Variants in GOLGA3 observed in about 807,000 individuals in gnomAD.
The protein encoded by GOLGA3 is golgin subfamily A member 3.
In GOLGA3, 75 loss-of-function variants were observed where a neutral mutation model predicts 169.4. The observed-to-expected ratio is 0.44, with a 90% confidence interval of 0.37 to 0.54. The LOEUF (loss-of-function observed/expected upper bound fraction) is 0.54. Ranked by LOEUF, GOLGA3 falls within the 20% of genes least tolerant of loss-of-function variation. The probability of loss-of-function intolerance (pLI) is 0.00; values close to 1 mark genes in which losing one functional copy is unlikely to be tolerated. For missense variants in GOLGA3, 1,899 were observed against 1,930.0 expected (o/e 0.98, Z 0.30); for synonymous variants, 824 against 822.4 (o/e 1.00, Z -0.03).
intron 1 of GOLGA3, chr12:132,827,983 G>A (rs1041618357): frequency 1.7e-4 from 26 of 151,260 alleles, no homozygotes; most frequent in African/African-American, 6.1e-4. Context: ...AACCTCTTAA[G>A]AATCCAGCAC....
At chr12:132,823,753 C>T (rs903106908) in intron 1 of GOLGA3, among the ~76,000 whole-genome samples, 3 of 151,380 alleles carry the variant, frequency 2.0e-5, no homozygotes, top group Admixed American at 2.0e-4. Context: ...CGCCATTGCA[C>T]TCCAGCCTGG....
In GOLGA3 at chr12:132,773,130, G is replaced by A. The variant is rs779601354; in HGVS notation, c.4472C>T (p.Ala1491Val). The stretch of plus-strand genomic sequence containing the variant: ...TCACTCTCCCGGCCCTTCTTTGGAA[G>A]CCCTGCTCTGACTGTGTCTCTGTGG... Reference protein sequence around the residue: ...GDPQRHSQSRASKEGPGE With the variant: ...GDPQRHSQSRVSKEGPGE Residue 1491 changes from alanine (A) to valine (V), a missense_variant, in exon 24 of 24, where the codon GCT (alanine) becomes GTT (valine). Transcript: ENST00000450791. 6.9e-6 allele frequency: 11 copies of A among 1,585,918 alleles called. No homozygotes were observed. The Admixed American group carries it at 1.9e-4, about 28-fold the overall frequency.
At position 132,769,265 on chromosome 12, in the gene GOLGA3, G is replaced by C. The variant is rs1207513918; in HGVS notation, c.*3840C>G. Reference sequence around the variant, plus strand: ...CCCTCCTCACATCAGAGGGCTCCTCGAAGGGAGGCCCCAGGACGGTTCTCT... The same window carrying C: ...CCCTCCTCACATCAGAGGGCTCCTCCAAGGGAGGCCCCAGGACGGTTCTCT... On this transcript the variant is annotated 3_prime_UTR_variant, in exon 24 of 24. Coordinates refer to ENST00000450791, the MANE Select transcript of GOLGA3 (RefSeq NM_001389683.1). 1 of 152,246 alleles carries C rather than the reference G, an allele frequency of 6.6e-6. No homozygotes were observed. Among genetic ancestry groups the C allele is most frequent in the Non-Finnish European group, 1.5e-5 (1 of 68,050 alleles). 9.4% of individuals were successfully genotyped at this position (152,246 alleles called of 1,614,324 possible).
rs1005662840 is a variant in GOLGA3 at position 132,770,334 on chromosome 12, C to T, written c.*2771G>A. ...AGGCCTCAGATCCAGAAGCACAAGC[C>T]GTGCATGAAAACACCAAAAGACTCA... On this transcript the variant is annotated 3_prime_UTR_variant, in exon 24 of 24. Coordinates refer to ENST00000450791, the MANE Select transcript of GOLGA3 (RefSeq NM_001389683.1). 2.7e-5 allele frequency: 4 copies of T among 149,810 alleles called. No homozygotes were observed. The highest frequency in any genetic ancestry group is 2.9e-5 in the Non-Finnish European group (2 of 68,032). 9.3% of individuals were successfully genotyped at this position (149,810 alleles called of 1,614,324 possible). A position where few individuals can be genotyped will look rare whatever the true frequency, so the allele number is the denominator to read the frequency against.
At position 132,804,943 on chromosome 12, in the gene GOLGA3, T is replaced by C. The variant is rs1178564880; in HGVS notation, c.1370A>G (p.His457Arg). The C allele has an allele frequency of 6.2e-7, 1 of 1,613,358 alleles. No homozygotes were observed. Among genetic ancestry groups the C allele is most frequent in the East Asian group, 2.2e-5 (1 of 44,896 alleles). The change falls in exon 7 of 24, where the codon CAC (histidine) becomes CGC (arginine). Residue 457 changes from histidine (H) to arginine (R), a missense_variant. By Grantham distance (29) the His-to-Arg change is conservative. Transcript: ENST00000450791. This position sits in a 1 kb window ranked among gnomAD's most constrained non-coding sequence, Gnocchi z 4.1. Reference sequence around the variant, plus strand: ...CGAATCCTGCCGCTGCTGGCTGCTGTGGCTGCACTCCACCTGCGCCTGCAG... The same window carrying C: ...CGAATCCTGCCGCTGCTGGCTGCTGCGGCTGCACTCCACCTGCGCCTGCAG... ...TKLQAQVECSHSSQQRQDSLS... is the reference protein window; with the variant it reads ...TKLQAQVECSRSSQQRQDSLS...
At chr12:132,784,828 C>A (rs971718430) in intron 15 of GOLGA3, among the ~76,000 whole-genome samples, 2 of 152,000 alleles carry the variant, frequency 1.3e-5, no homozygotes, top group Admixed American at 6.6e-5. Context: ...ATACACCCCA[C>A]ACTGCATGCA....
intron 22 of GOLGA3, chr12:132,774,910 A>C (rs1332771169): frequency 1.8e-6 from 1 of 565,696 alleles, no homozygotes; most frequent in Non-Finnish European, 3.1e-6. Context: ...AAAGCACATT[A>C]CAACAAAGTG....
intron 3 of GOLGA3, among the ~76,000 whole-genome samples, chr12:132,814,467 C>T (rs757472215): frequency 6.6e-6 from 1 of 152,202 alleles, no homozygotes; most frequent in Non-Finnish European, 1.5e-5. Context: ...GAACCTGAAA[C>T]GCCGGCACCG....
At chr12:132,812,788 C>T (rs139108840) in intron 4 of GOLGA3, among the ~76,000 whole-genome samples, 88 of 152,298 alleles carry the variant, frequency 5.8e-4, no homozygotes, top group African/African-American at 1.9e-3. Flanking sequence ...AACTTTAGTG[C>T]GGTTTTAAGA....
At chr12:132,796,994 A>C (rs1290067447) in intron 9 of GOLGA3, among the ~76,000 whole-genome samples, 1 of 152,222 alleles carries the variant, frequency 6.6e-6, no homozygotes, top group African/African-American at 2.4e-5. Context: ...TCCTTTCGGG[A>C]GTGAGACCCG....
intron 11 of GOLGA3, among the ~76,000 whole-genome samples, chr12:132,794,330 A>AC (rs1555256050): frequency 7.0e-6 from 1 of 143,372 alleles, no homozygotes; most frequent in African/African-American, 2.6e-5. Context: ...CCCCGTATCT[A>AC]TTTAAAAAAA....
chr12:132,807,859 C>G, intron 5 of GOLGA3, 32 bp downstream of exon 5: 1 of 899,330 alleles, frequency 1.1e-6, no homozygotes, highest in Non-Finnish European at 1.6e-6. Flanking sequence ...CCCACCTCCA[C>G]CCACCCCGCC....
chr12:132,791,032 CAG>C (rs1356674873), intron 12 of GOLGA3, among the ~76,000 whole-genome samples, 182 bp downstream of exon 12: 1 of 104,048 alleles, frequency 9.6e-6, no homozygotes. Context: ...GCCTGGCTGA[CAG>C]AGAGAGACTC....
chr12:132,816,270 G>A (rs1334912990), intron 3 of GOLGA3, among the ~76,000 whole-genome samples: 2 of 152,218 alleles, frequency 1.3e-5, no homozygotes, highest in South Asian at 4.1e-4. Context: ...CAAGCACCTG[G>A]GTGACACAGG....
chr12:132,774,097 C>CA, intron 23 of GOLGA3, 60 bp downstream of exon 23: 1 of 1,443,616 alleles, frequency 6.9e-7, no homozygotes. Context: ...AGTGCCCTCC[C>CA]AGGTAAGAGG....
Position 132,803,963 on chromosome 12 carries a change from G to A in GOLGA3, c.1597+753C>T, listed in dbSNP as rs202156880. Among the ~76,000 whole-genome samples, 9 of 152,256 alleles carry A rather than the reference G, an allele frequency of 5.9e-5. No individual in the cohort carries two copies. The East Asian group carries it at 1.5e-3, about 26-fold the overall frequency. On this transcript the variant is annotated intron_variant, in intron 7 of 23. Transcript: ENST00000450791. ...CCCTCTCCTTCCCACTCCTGTTCACGCTTGCTCTGAGCAGGCCAACCACAG... is the reference window on the plus strand; with the variant it reads ...CCCTCTCCTTCCCACTCCTGTTCACACTTGCTCTGAGCAGGCCAACCACAG...
chr12:132,825,624 T>C (rs1323040058), intron 1 of GOLGA3: 5 of 694,922 alleles, frequency 7.2e-6, no homozygotes, highest in Non-Finnish European at 1.3e-5. Context: ...AGCTGAAACA[T>C]CTGTGAGCTT....
intron 1 of GOLGA3, among the ~76,000 whole-genome samples, chr12:132,825,153 G>A (rs1950358641): frequency 6.6e-6 from 1 of 152,178 alleles, no homozygotes; most frequent in Admixed American, 6.5e-5. Context: ...CTTTGCTTCT[G>A]CCTTGCGGGG....
At chr12:132,780,471 G>C (rs1250664105) in intron 18 of GOLGA3, among the ~76,000 whole-genome samples, 1 of 152,224 alleles carries the variant, frequency 6.6e-6, no homozygotes, top group Non-Finnish European at 1.5e-5. Flanking sequence ...CCTCTTATCT[G>C]CCGAACACAA....
Sources: allele counts gnomAD v4.1 joint callset (sites outside exome capture counted in the v4.1 genomes callset), GRCh38; gene constraint gnomAD v4.1.1; non-coding constraint Gnocchi (gnomAD v3.1); transcripts MANE v1.5; gene names NCBI Gene and HGNC (gene_info 2026-07-23, HGNC 2026-07-21).